The following MCMDC2 variants were observed in gnomAD, a reference collection of about 807,000 sequenced individuals.
MCMDC2 encodes minichromosome maintenance domain-containing protein 2.
MCMDC2 carries 54 observed loss-of-function variants against 75.8 expected under a neutral mutation model. The observed-to-expected ratio is 0.71, with a 90% confidence interval of 0.57 to 0.89. The LOEUF (loss-of-function observed/expected upper bound fraction) is 0.89, where lower values mean the gene tolerates loss of function less well. Among genes scored for constraint, MCMDC2 ranks in the 40% least tolerant of loss-of-function variants. The pLI, the probability that MCMDC2 is intolerant of heterozygous loss-of-function variation, is 0.00. For missense variants in MCMDC2, 656 were observed against 780.4 expected (o/e 0.84, Z 1.90); for synonymous variants, 249 against 274.6 (o/e 0.91, Z 0.92).
chr8:66,874,316 A>G lies in MCMDC2; in HGVS notation c.95-10A>G, dbSNP rs1024087891. 1 of 1,607,078 alleles carries G rather than the reference A, an allele frequency of 6.2e-7. No homozygotes were observed. Among genetic ancestry groups the G allele is most frequent in the Non-Finnish European group, 8.5e-7 (1 of 1,178,128 alleles). ...GCTATCCTGACTTTTACATTTGTAT[A>G]TTTTCATAGATTCAAAACAAAGCTA... is the stretch of plus-strand genomic sequence containing the variant. On this transcript the variant is annotated splice_polypyrimidine_tract_variant and intron_variant, in intron 2 of 14. Coordinates refer to ENST00000422365, the MANE Select transcript of MCMDC2 (RefSeq NM_173518.5).
At chr8:66,887,643 C>T (rs1019963899) in intron 9 of MCMDC2, among the ~76,000 whole-genome samples, 2 of 152,072 alleles carry the variant, frequency 1.3e-5, no homozygotes, top group Non-Finnish European at 2.9e-5. Context: ...TTTTAGTTTA[C>T]TATTTATTTA....
chr8:66,919,309 A>G lies in MCMDC2; in HGVS notation c.*140A>G, dbSNP rs1031011264. 9 of 621,842 alleles carry G rather than the reference A, an allele frequency of 1.4e-5. No homozygotes were observed. The Admixed American group carries it at 3.6e-4, about 25-fold the overall frequency. 38.5% of individuals were successfully genotyped at this position (621,842 alleles called of 1,614,324 possible). On this transcript the variant is annotated 3_prime_UTR_variant, in exon 15 of 15. Coordinates refer to ENST00000422365, the MANE Select transcript of MCMDC2 (RefSeq NM_173518.5). ...AATACTGTTTTTAAAAATATAAAAT[A>G]TAGTCCCCTCAAAACTAATTGCTAA...
At position 66,901,280 on chromosome 8, in the gene MCMDC2, A is replaced by G. The variant is rs1287597243; in HGVS notation, c.1701A>G (p.Leu567=). Residue 567 remains leucine, a synonymous_variant, in exon 13 of 15, where the codon CTA becomes CTG. Transcript: ENST00000422365. ...EAERMTHGYY[L]ASRRIRTGSV... is the part of the protein sequence containing the mutation. Reference sequence around the variant, plus strand: ...AAAGAATGACCCATGGCTATTATCTAGCAAGTCGCAGAATCAGAACAGGCT... The same window carrying G: ...AAAGAATGACCCATGGCTATTATCTGGCAAGTCGCAGAATCAGAACAGGCT... 2 of 1,614,034 alleles carry G rather than the reference A, an allele frequency of 1.2e-6. No homozygotes were observed. Among genetic ancestry groups the G allele is most frequent in the African/African-American group, 2.7e-5 (2 of 74,954 alleles).
At chr8:66,901,023 G>A (rs1042465943) in intron 12 of MCMDC2, among the ~76,000 whole-genome samples, 183 bp from the exon 13 acceptor site, 8 of 152,130 alleles carry the variant, frequency 5.3e-5, no homozygotes, top group African/African-American at 1.7e-4. Context: ...CTTTAATATC[G>A]TTTACAAGTA....
intron 14 of MCMDC2, among the ~76,000 whole-genome samples, chr8:66,907,508 A>G (rs1812952516): frequency 6.6e-6 from 1 of 152,162 alleles, no homozygotes. Context: ...AGTCTTTGCT[A>G]TTGTAAATAG....
At position 66,920,346 on chromosome 8, in the gene MCMDC2, C is replaced by G. The variant is rs1813476053; in HGVS notation, c.*1177C>G. ...CTCCACCTCCCGGGTTCAAGTGATT[C>G]TCCTGCTGGGATTACAGGTGCACTC... On this transcript the variant is annotated 3_prime_UTR_variant, in exon 15 of 15. Coordinates refer to ENST00000422365, the MANE Select transcript of MCMDC2 (RefSeq NM_173518.5). 6.6e-6 allele frequency: 1 copy of G among 152,286 alleles called. No individual in the cohort carries two copies. The highest frequency in any genetic ancestry group is 1.5e-5 in the Non-Finnish European group (1 of 68,178). 9.4% of individuals were successfully genotyped at this position (152,286 alleles called of 1,614,324 possible). A position where few individuals can be genotyped will look rare whatever the true frequency, so the allele number is the denominator to read the frequency against.
intron 9 of MCMDC2, among the ~76,000 whole-genome samples, chr8:66,888,035 T>A (rs942680670): frequency 6.6e-6 from 1 of 152,210 alleles, no homozygotes; most frequent in Non-Finnish European, 1.5e-5. Context: ...ATTTTAAAGA[T>A]TAAAAAAATT....
rs141240294 is a variant in MCMDC2 at position 66,890,984 on chromosome 8, G to T, written c.1193G>T (p.Gly398Val). 92 of 1,608,860 alleles carry T rather than the reference G, an allele frequency of 5.7e-5. No homozygotes were observed. The highest frequency in any genetic ancestry group is 1.4e-5 in the Non-Finnish European group (17 of 1,178,980). Residue 398 changes from glycine (G) to valine (V), a missense_variant, in exon 10 of 15, where the codon GGC becomes GTC. Coordinates refer to ENST00000422365, the MANE Select transcript of MCMDC2 (RefSeq NM_173518.5). ...YGTGAVSIQA[G>V]SALLAKGGIC... Reference sequence around the variant, plus strand: ...ACTGGAGCAGTTAGCATTCAGGCTGGCAGTGCTTTGCTAGCTAAAGGTGGT... The same window carrying T: ...ACTGGAGCAGTTAGCATTCAGGCTGTCAGTGCTTTGCTAGCTAAAGGTGGT...
chr8:66,890,606 T>C (rs573172215), intron 9 of MCMDC2, among the ~76,000 whole-genome samples: 6 of 152,234 alleles, frequency 3.9e-5, no homozygotes, highest in African/African-American at 1.4e-4. Flanking sequence ...TTGCAACCTC[T>C]GCCTTCCAGG....
Position 66,878,879 on chromosome 8 carries a change from C to G in MCMDC2, c.669C>G (p.Asn223Lys), listed in dbSNP as rs1273543532. The change falls in exon 7 of 15, where the codon AAC becomes AAG. Residue 223 changes from asparagine to lysine, a missense_variant. Transcript: ENST00000422365. The part of the protein sequence containing the change: ...ALRAFQGYSN[N>K]QPFRFQSLTI... ...GTGCTTTTCAAGGATATTCTAACAA[C>G]CAGCCATTTAGGTTTCAATCACTTA... 2.5e-6 allele frequency: 4 copies of G among 1,609,904 alleles called. No homozygotes were observed. The highest frequency in any genetic ancestry group is 3.4e-6 in the Non-Finnish European group (4 of 1,178,464).
intron 14 of MCMDC2, among the ~76,000 whole-genome samples, chr8:66,910,725 C>A (rs917837241): frequency 2.0e-5 from 3 of 151,942 alleles, no homozygotes; most frequent in Admixed American, 1.3e-4. Flanking sequence ...TGGAGAATCG[C>A]TTGAACCCGG....
At chr8:66,887,508 C>A (rs1173283557) in intron 9 of MCMDC2, among the ~76,000 whole-genome samples, 4 of 152,056 alleles carry the variant, frequency 2.6e-5, no homozygotes, top group Non-Finnish European at 5.9e-5. Flanking sequence ...GCAGAGACTG[C>A]CACTGCACTC....
intron 7 of MCMDC2, 38 bp from the exon 8 acceptor site, chr8:66,880,811 A>C: frequency 6.8e-7 from 1 of 1,476,164 alleles, no homozygotes; most frequent in South Asian, 1.5e-5. Context: ...AAGTTCATTT[A>C]GTGAATATGT....
At chr8:66,882,512 C>A (rs183125979) in intron 8 of MCMDC2, among the ~76,000 whole-genome samples, 10 of 152,226 alleles carry the variant, frequency 6.6e-5, no homozygotes, top group Admixed American at 2.6e-4. Flanking sequence ...ATTACAGGTG[C>A]TCACCACCAC....
downstream of MCMDC2, among the ~76,000 whole-genome samples, chr8:66,924,061 G>C (rs930678177): frequency 6.6e-6 from 1 of 151,936 alleles, no homozygotes; most frequent in Non-Finnish European, 1.5e-5. Flanking sequence ...CAAATGTATC[G>C]GTGGATTCTT....
rs118005034 is a variant in MCMDC2 at position 66,889,472 on chromosome 8, C to T, written c.1074-1393C>T. ...CTGCATCATTGCATTCCAGCTTGTA[C>T]GACAGAGCGAGACTCTGTCTCTTAA... On this transcript the variant is annotated intron_variant, in intron 9 of 14. Coordinates refer to ENST00000422365, the MANE Select transcript of MCMDC2 (RefSeq NM_173518.5). 2.4e-3 allele frequency among the ~76,000 whole-genome samples: 362 copies of T among 151,986 alleles called. 7 individuals carry two copies. The East Asian group carries it at 0.056, about 24-fold the overall frequency.
At chr8:66,886,883 A>G (rs1811870581) in intron 9 of MCMDC2, among the ~76,000 whole-genome samples, 1 of 152,150 alleles carries the variant, frequency 6.6e-6, no homozygotes, top group Non-Finnish European at 1.5e-5. Flanking sequence ...ATCCTCATCA[A>G]CATTTGGTGT....
chr8:66,919,209 G>A lies in MCMDC2; in HGVS notation c.*40G>A. On this transcript the variant is annotated 3_prime_UTR_variant, in exon 15 of 15. Coordinates refer to ENST00000422365, the MANE Select transcript of MCMDC2 (RefSeq NM_173518.5). ...TTTTGTTCATTCCTACTTAAGCAGT[G>A]GAGAAAAAGTGTGACTATTTTGAGA... The A allele has an allele frequency of 1.4e-6, 2 of 1,480,572 alleles. No individual in the cohort carries two copies. The highest frequency in any genetic ancestry group is 1.8e-6 in the Non-Finnish European group (2 of 1,102,296). The allele number at this position is 1,480,572 out of a possible 1,614,324, so 91.7% of individuals were successfully genotyped here.
chr8:66,874,290 A>G, intron 2 of MCMDC2, 36 bp from the exon 3 acceptor site: 1 of 1,607,954 alleles, frequency 6.2e-7, no homozygotes, highest in South Asian at 1.1e-5. Flanking sequence ...TCCTACACAT[A>G]GCTATCCTGA....
Sources: gnomAD v4.1 joint callset for allele counts (sites outside exome capture counted in the v4.1 genomes callset) on GRCh38, gnomAD v4.1.1 for gene constraint, MANE v1.5 for transcripts, NCBI Gene and HGNC (gene_info 2026-07-23, HGNC 2026-07-21) for gene names.